Variants in TMEM132D observed in about 807,000 individuals in gnomAD.
TMEM132D encodes the protein mature OL transmembrane protein.
Under a neutral mutation model 62.3 loss-of-function variants are expected in TMEM132D, and 21 were observed. The ratio of observed to expected loss-of-function variants is 0.34; its 90% CI spans 0.24 to 0.49. TMEM132D has a LOEUF of 0.49. Ranked by LOEUF, TMEM132D falls within the 20% of genes least tolerant of loss-of-function variation. The pLI, the probability that TMEM132D is intolerant of heterozygous loss-of-function variation, is 0.99. For missense variants in TMEM132D, 1,346 were observed against 1,402.8 expected (o/e 0.96, Z 0.65); for synonymous variants, 621 against 575.6 (o/e 1.08, Z -1.13).
chr12:129,625,406 C>T (rs1362077833), intron 2 of TMEM132D, among the ~76,000 whole-genome samples: 1 of 152,168 alleles, frequency 6.6e-6, no homozygotes, highest in African/African-American at 2.4e-5. Flanking sequence ...CTTTCTTCCA[C>T]CTTTGGCACC....
At chr12:129,236,104 T>G (rs73420156) in intron 4 of TMEM132D, among the ~76,000 whole-genome samples, 7 of 146,898 alleles carry the variant, frequency 4.8e-5, no homozygotes, top group African/African-American at 1.8e-4. Context: ...TGATGCTATT[T>G]TGTGTGTGTG....
intron 4 of TMEM132D, among the ~76,000 whole-genome samples, chr12:129,264,502 AGT>A (rs1296524666): frequency 6.6e-6 from 1 of 152,242 alleles, no homozygotes; most frequent in East Asian, 1.9e-4. Flanking sequence ...CTAAGGAAAC[AGT>A]GTGGAGATTC....
chr12:129,548,217 G>A, intron 2 of TMEM132D, among the ~76,000 whole-genome samples: 1 of 152,240 alleles, frequency 6.6e-6, no homozygotes, highest in East Asian at 1.9e-4. Flanking sequence ...TCCCAGATTA[G>A]GGTCTCAGCC....
intron 4 of TMEM132D, among the ~76,000 whole-genome samples, chr12:129,257,003 G>T (rs1470354150): frequency 6.6e-6 from 1 of 152,164 alleles, no homozygotes; most frequent in Non-Finnish European, 1.5e-5. Context: ...GCTATGGTGT[G>T]GCACATGGCA....
intron 2 of TMEM132D, among the ~76,000 whole-genome samples, chr12:129,599,356 A>T (rs1423764716): frequency 6.6e-6 from 1 of 152,258 alleles, no homozygotes; most frequent in African/African-American, 2.4e-5. Context: ...AAAAGAAATA[A>T]TAAAATGTGA....
At chr12:129,514,179 A>G (rs1875606532) in intron 3 of TMEM132D, among the ~76,000 whole-genome samples, 1 of 152,124 alleles carries the variant, frequency 6.6e-6, no homozygotes, top group African/African-American at 2.4e-5. Context: ...ATGGGTGCAA[A>G]CAAACCATAT....
chr12:129,186,233 A>C (rs1878219171), intron 5 of TMEM132D, among the ~76,000 whole-genome samples: 1 of 152,216 alleles, frequency 6.6e-6, no homozygotes. Flanking sequence ...ACCTTGGTGC[A>C]TCTCCAGCTC....
intron 4 of TMEM132D, among the ~76,000 whole-genome samples, chr12:129,268,949 CAT>C (rs1282092579): frequency 7.1e-6 from 1 of 140,784 alleles, no homozygotes; most frequent in East Asian, 2.1e-4. Context: ...TGTTCTCACT[CAT>C]AGGTGGGAAT....
chr12:129,827,351 T>G lies in TMEM132D; in HGVS notation c.79+75910A>C, dbSNP rs113773115. Among the ~76,000 whole-genome samples the G allele has an allele frequency of 9.9e-5, 15 of 152,264 alleles. 1 individual carries two copies. The highest frequency in any genetic ancestry group is 2.9e-4 in the African/African-American group (12 of 41,564). On this transcript the variant is annotated intron_variant, in intron 1 of 8. Coordinates refer to ENST00000422113, the MANE Select transcript of TMEM132D (RefSeq NM_133448.3). This position sits in a 1 kb window ranked among gnomAD's most constrained non-coding sequence, Gnocchi z 9.7. Reference sequence around the variant, plus strand: ...CTCCAGTTTCTAAGCCCCAAATTCATGGTCACACCCCCAGGCAGAACTCTG... The same window carrying G: ...CTCCAGTTTCTAAGCCCCAAATTCAGGGTCACACCCCCAGGCAGAACTCTG...
intron 4 of TMEM132D, among the ~76,000 whole-genome samples, chr12:129,297,888 G>A (rs1881616691): frequency 6.6e-6 from 1 of 152,096 alleles, no homozygotes; most frequent in African/African-American, 2.4e-5. Context: ...TCTTGAACAT[G>A]GTCAGACACC....
chr12:129,432,728 T>C (rs1390816781), intron 3 of TMEM132D, among the ~76,000 whole-genome samples: 1 of 152,222 alleles, frequency 6.6e-6, no homozygotes, highest in African/African-American at 2.4e-5. Flanking sequence ...AAAAGAAATG[T>C]GTGTTAATTC....
At chr12:129,168,379 A>T (rs1165211163) in intron 5 of TMEM132D, among the ~76,000 whole-genome samples, 1 of 152,046 alleles carries the variant, frequency 6.6e-6, no homozygotes, top group African/African-American at 2.4e-5. Flanking sequence ...CCACTATGTA[A>T]TTTTTGCCAC....
At chr12:129,794,265 T>TG (rs1375641207) in intron 1 of TMEM132D, among the ~76,000 whole-genome samples, 2 of 148,884 alleles carry the variant, frequency 1.3e-5, no homozygotes, top group African/African-American at 4.9e-5. Context: ...TTTTTTTTTT[T>TG]TTTTTTTTGT....
intron 4 of TMEM132D, among the ~76,000 whole-genome samples, chr12:129,295,811 A>C (rs1881560211): frequency 6.6e-6 from 1 of 152,196 alleles, no homozygotes; most frequent in Non-Finnish European, 1.5e-5. Context: ...TAGATTACTT[A>C]TAATACCTAA....
At chr12:129,785,706 T>C (rs1178448506) in intron 1 of TMEM132D, among the ~76,000 whole-genome samples, 1 of 152,198 alleles carries the variant, frequency 6.6e-6, no homozygotes, top group Non-Finnish European at 1.5e-5. Flanking sequence ...TTCCAGTCTC[T>C]AGAACTGTGA....
At chr12:129,839,899 T>A (rs1432294043) in intron 1 of TMEM132D, 1 of 152,018 alleles carries the variant, frequency 6.6e-6, no homozygotes, top group East Asian at 1.9e-4. Context: ...CAAACCCAGC[T>A]CCCACACAGA....
At chr12:129,837,543 T>C (rs1383668769) in intron 1 of TMEM132D, among the ~76,000 whole-genome samples, 1 of 152,176 alleles carries the variant, frequency 6.6e-6, no homozygotes, top group Admixed American at 6.5e-5. Flanking sequence ...AGGCAACTTC[T>C]CCAAATAGAA....
At chr12:129,794,158 G>A (rs541757770) in intron 1 of TMEM132D, among the ~76,000 whole-genome samples, 11 of 149,162 alleles carry the variant, frequency 7.4e-5, no homozygotes, top group African/African-American at 7.4e-5. Context: ...GTGCAACCTC[G>A]GCTCACAGCA....
chr12:129,391,957 A>G lies in TMEM132D; in HGVS notation c.1116-54140T>C, dbSNP rs1350645722. 2.0e-5 allele frequency among the ~76,000 whole-genome samples: 3 copies of G among 151,740 alleles called. No individual in the cohort carries two copies. The East Asian group carries it at 5.9e-4, about 30-fold the overall frequency. ...GTTTTAGTAGAGACAGGGTTTCACC[A>G]TGTTGGCCAGGCTGGTCTCGAACTC... On this transcript the variant is annotated intron_variant, in intron 3 of 8. Coordinates refer to ENST00000422113, the MANE Select transcript of TMEM132D (RefSeq NM_133448.3).
Sources: allele counts gnomAD v4.1 joint callset (sites outside exome capture counted in the v4.1 genomes callset), GRCh38; gene constraint gnomAD v4.1.1; non-coding constraint Gnocchi (gnomAD v3.1); transcripts MANE v1.5; gene names NCBI Gene and HGNC (gene_info 2026-07-23, HGNC 2026-07-21).